Variants in EXT1 observed in about 807,000 individuals in gnomAD.
EXT1 encodes the protein exostosin-1.
A neutral mutation model predicts 82.5 loss-of-function variants in EXT1; 20 were observed. That is an observed-to-expected ratio of 0.24 (90% CI 0.17 to 0.35). EXT1 has a LOEUF of 0.35. Ranked by LOEUF, EXT1 falls within the 10% of genes least tolerant of loss-of-function variation. The pLI is 1.00. For missense variants in EXT1, 757 were observed against 936.5 expected, an observed-to-expected ratio of 0.81 and a Z score of 2.50; for synonymous variants, 348 against 350.8, an observed-to-expected ratio of 0.99 and a Z score of 0.09.
At chr8:117,995,009 C>CTAAG (rs1333510916) in intron 1 of EXT1, among the ~76,000 whole-genome samples, 1 of 152,164 alleles carries the variant, frequency 6.6e-6, no homozygotes, top group Non-Finnish European at 1.5e-5. Flanking sequence ...GACAAATGGC[C>CTAAG]TAAGATCTGT....
chr8:117,913,192 A>G (rs1452360823), intron 1 of EXT1, among the ~76,000 whole-genome samples: 2 of 152,308 alleles, frequency 1.3e-5, no homozygotes, highest in Non-Finnish European at 2.9e-5. Context: ...ACTACCCCCA[A>G]GCCTGGGTGA....
chr8:117,818,170 C>G (rs1433404972), intron 7 of EXT1, among the ~76,000 whole-genome samples: 3 of 152,160 alleles, frequency 2.0e-5, no homozygotes, highest in African/African-American at 7.2e-5. Flanking sequence ...ATTGTTTCCA[C>G]TTTGTAGATG....
intron 1 of EXT1, among the ~76,000 whole-genome samples, chr8:117,858,880 A>G (rs149152193): frequency 0.12 from 12,266 of 99,704 alleles, 1,268 homozygotes; most frequent in Middle Eastern, 0.18. Context: ...AAAGAAAGAA[A>G]GAAAGAAAGA....
intron 1 of EXT1, among the ~76,000 whole-genome samples, chr8:118,080,978 G>C (rs545834770): frequency 9.9e-5 from 15 of 152,230 alleles, no homozygotes; most frequent in African/African-American, 3.6e-4. Flanking sequence ...GGGGAGGGTG[G>C]AGTCCTAAAA....
chr8:117,897,920 C>G (rs1457664277), intron 1 of EXT1, among the ~76,000 whole-genome samples: 1 of 152,098 alleles, frequency 6.6e-6, no homozygotes, highest in Non-Finnish European at 1.5e-5. Flanking sequence ...ATTTTTAAGC[C>G]TCAAGTTTGT....
At chr8:117,885,494 C>CAAAA (rs11300586) in intron 1 of EXT1, among the ~76,000 whole-genome samples, 468 of 102,838 alleles carry the variant, frequency 4.6e-3, no homozygotes, top group East Asian at 7.3e-3. Context: ...AAGTAACAGA[C>CAAAA]AAAAAAAAAA....
chr8:117,856,451 A>G (rs1812561698), intron 1 of EXT1, among the ~76,000 whole-genome samples: 1 of 123,990 alleles, frequency 8.1e-6, no homozygotes, highest in Admixed American at 8.7e-5. Flanking sequence ...TTTTTTTAGT[A>G]GAGACGGGTT....
chr8:117,983,311 C>T (rs1815246037), intron 1 of EXT1, among the ~76,000 whole-genome samples: 1 of 151,992 alleles, frequency 6.6e-6, no homozygotes, highest in African/African-American at 2.4e-5. Context: ...TGGTGAGATC[C>T]TGCCTTTATA....
In EXT1 at chr8:118,110,288, G is replaced by T; in HGVS notation, c.759C>A (p.Phe253Leu). 1 of 1,614,082 alleles carries T rather than the reference G, an allele frequency of 6.2e-7. No individual in the cohort carries two copies. The highest frequency in any genetic ancestry group is 8.5e-7 in the Non-Finnish European group (1 of 1,180,016). ...RTGGERGFLK[F>L]NTIPPLRKYM... is the part of the protein sequence containing the mutation. ...ACTTCCTGAGAGGAGGGATGGTGTT[G>T]AACTTCAAAAACCCCCTCTCCCCTC... The change falls in exon 1 of 11, where the codon TTC (phenylalanine) becomes TTA (leucine). Residue 253 changes from phenylalanine to leucine, a missense_variant. Transcript: ENST00000378204.
At chr8:117,954,443 G>A (rs910666783) in intron 1 of EXT1, among the ~76,000 whole-genome samples, 7 of 152,176 alleles carry the variant, frequency 4.6e-5, no homozygotes, top group African/African-American at 1.7e-4. Context: ...GCAAAGTGAA[G>A]AAAGGTAAAG....
chr8:117,913,233 G>T (rs1167737210), intron 1 of EXT1, among the ~76,000 whole-genome samples: 1 of 152,032 alleles, frequency 6.6e-6, no homozygotes, highest in African/African-American at 2.4e-5. Flanking sequence ...TTTAAAAGGT[G>T]TCAGACAGTC....
At chr8:117,832,877 C>G (rs1256952273) in intron 3 of EXT1, among the ~76,000 whole-genome samples, 1 of 152,088 alleles carries the variant, frequency 6.6e-6, no homozygotes, top group Non-Finnish European at 1.5e-5. Flanking sequence ...AAATTAATTC[C>G]AATTTGGCTG....
intron 1 of EXT1, among the ~76,000 whole-genome samples, chr8:118,024,530 GA>G (rs11293136): frequency 0.39 from 57,474 of 147,336 alleles, 11,991 homozygotes; most frequent in African/African-American, 0.57. Flanking sequence ...TTAAAAAAAA[GA>G]AAAAAAAAAA....
chr8:117,832,776 T>C (rs1310421019), intron 3 of EXT1, among the ~76,000 whole-genome samples: 2 of 152,180 alleles, frequency 1.3e-5, no homozygotes, highest in Non-Finnish European at 2.9e-5. Flanking sequence ...ACAACTCCAA[T>C]TGATTGAAAA....
chr8:117,884,258 C>T (rs1813109783), intron 1 of EXT1, among the ~76,000 whole-genome samples: 1 of 152,208 alleles, frequency 6.6e-6, no homozygotes, highest in Non-Finnish European at 1.5e-5. Flanking sequence ...AGCAGGAAAA[C>T]AAGAAAGAGT....
intron 1 of EXT1, among the ~76,000 whole-genome samples, chr8:117,942,436 G>C (rs1199491034): frequency 2.6e-5 from 4 of 152,196 alleles, no homozygotes; most frequent in Non-Finnish European, 5.9e-5. Flanking sequence ...TCAAGGACGG[G>C]TGCGGTGGCT....
At chr8:118,049,301 C>T (rs1816680120) in intron 1 of EXT1, among the ~76,000 whole-genome samples, 1 of 152,232 alleles carries the variant, frequency 6.6e-6, no homozygotes, top group Non-Finnish European at 1.5e-5. Context: ...CTCCAGTTTA[C>T]TTAGCTGTGC....
chr8:118,109,437 G>C (rs865901250), intron 1 of EXT1, among the ~76,000 whole-genome samples: 1 of 113,922 alleles, frequency 8.8e-6, no homozygotes, highest in South Asian at 3.0e-4. Context: ...ATGAATGAAT[G>C]AATGAATGCA....
intron 1 of EXT1, among the ~76,000 whole-genome samples, chr8:117,912,704 T>A (rs1393980413): frequency 1.3e-5 from 2 of 152,188 alleles, no homozygotes; most frequent in African/African-American, 4.8e-5. Context: ...TAGTGAATCA[T>A]CTACAATTTT....
Sources: allele counts gnomAD v4.1 joint callset (sites outside exome capture counted in the v4.1 genomes callset), GRCh38; gene constraint gnomAD v4.1.1; transcripts MANE v1.5; gene names NCBI Gene and HGNC (gene_info 2026-07-23, HGNC 2026-07-21).